The following RIN2 variants were observed in gnomAD, a reference collection of about 807,000 sequenced individuals.
RIN2 encodes the protein Ras and Rab interactor 2.
RIN2 carries 36 observed loss-of-function variants against 78.0 expected under a neutral mutation model. The ratio of observed to expected loss-of-function variants is 0.46; its 90% CI spans 0.35 to 0.61. The LOEUF is 0.61. Ranked by LOEUF, RIN2 falls within the 20% of genes least tolerant of loss-of-function variation. RIN2 has a pLI of 0.00. For synonymous variants in RIN2, 466 were observed against 466.8 expected, an observed-to-expected ratio of 1.00 and a Z score of 0.02; for missense variants, 1,087 against 1,159.7, an observed-to-expected ratio of 0.94 and a Z score of 0.91.
At chr20:19,794,502 A>G (rs2034988336) in intron 1 of RIN2, among the ~76,000 whole-genome samples, 1 of 142,994 alleles carries the variant, frequency 7.0e-6, no homozygotes, top group African/African-American at 2.6e-5. Context: ...ACTGCACTCC[A>G]GCCTAAGCAA....
intron 3 of RIN2, among the ~76,000 whole-genome samples, chr20:19,907,045 C>A (rs2039248482): frequency 6.6e-6 from 1 of 152,160 alleles, no homozygotes; most frequent in Non-Finnish European, 1.5e-5. Context: ...TTGCGGGGGC[C>A]TTCTTGCTGC....
intron 2 of RIN2, among the ~76,000 whole-genome samples, chr20:19,859,596 A>G (rs144148311): frequency 1.3e-5 from 2 of 152,292 alleles, no homozygotes; most frequent in East Asian, 1.9e-4. Flanking sequence ...CTTGACTTCC[A>G]TGAAGATCCC....
intron 2 of RIN2, among the ~76,000 whole-genome samples, chr20:19,821,148 C>T (rs908615785): frequency 2.0e-5 from 3 of 152,186 alleles, no homozygotes; most frequent in Admixed American, 6.5e-5. Context: ...GACTGTGTGT[C>T]TCAGCTCCAT....
intron 6 of RIN2, among the ~76,000 whole-genome samples, chr20:19,961,390 T>C (rs1039206878): frequency 1.3e-5 from 2 of 152,270 alleles, no homozygotes; most frequent in African/African-American, 4.8e-5. Flanking sequence ...CGATTGGTCA[T>C]TGGAAATGTG....
chr20:19,869,831 T>TTGATTGATTG lies in RIN2; in HGVS notation c.-36-19735_-36-19734insTGATTGATTG, dbSNP rs1568558785. ...TTATTTATTTATTTATTTATTTATT[T>TTGATTGATTG]ATTGTAGAGAAGGGGGTTCGCTATG... On this transcript the variant is annotated intron_variant, in intron 2 of 12. Transcript: ENST00000255006. Among the ~76,000 whole-genome samples the TTGATTGATTG allele has an allele frequency of 4.5e-4, 68 of 151,362 alleles. 1 individual carries two copies. Among genetic ancestry groups the TTGATTGATTG allele is most frequent in the African/African-American group, 1.6e-3 (66 of 41,292 alleles).
intron 2 of RIN2, among the ~76,000 whole-genome samples, chr20:19,845,328 G>C (rs2036745653): frequency 6.6e-6 from 1 of 152,132 alleles, no homozygotes; most frequent in African/African-American, 2.4e-5. Context: ...CACGATGGTT[G>C]AACTAATTTA....
intron 9 of RIN2, among the ~76,000 whole-genome samples, chr20:19,980,932 G>A (rs900477261): frequency 6.6e-6 from 1 of 152,170 alleles, no homozygotes; most frequent in African/African-American, 2.4e-5. Flanking sequence ...CCAGGCCCAG[G>A]TGAAGTCACA....
At chr20:19,962,784 C>G (rs2041807159) in intron 6 of RIN2, among the ~76,000 whole-genome samples, 1 of 152,144 alleles carries the variant, frequency 6.6e-6, no homozygotes, top group Admixed American at 6.5e-5. Context: ...TGGTGAAACC[C>G]CGTCTCTACT....
intron 2 of RIN2, among the ~76,000 whole-genome samples, chr20:19,817,462 C>T (rs184953377): frequency 6.6e-6 from 1 of 152,122 alleles, no homozygotes; most frequent in African/African-American, 2.4e-5. Context: ...AAAGGCCCTA[C>T]CTCTTAATAC....
chr20:19,790,287 G>C (rs1044017208), intron 1 of RIN2, among the ~76,000 whole-genome samples: 1 of 151,880 alleles, frequency 6.6e-6, no homozygotes, highest in Non-Finnish European at 1.5e-5. Context: ...GTCTTACAAG[G>C]CTAGCAAGTC....
intron 7 of RIN2, among the ~76,000 whole-genome samples, chr20:19,968,573 A>G (rs2042010469): frequency 6.6e-6 from 1 of 152,194 alleles, no homozygotes; most frequent in Admixed American, 6.5e-5. Flanking sequence ...CTAGTAGATC[A>G]AAGCCTGAAA....
At chr20:19,798,181 G>A (rs971027510) in intron 1 of RIN2, among the ~76,000 whole-genome samples, 3 of 152,216 alleles carry the variant, frequency 2.0e-5, no homozygotes, top group East Asian at 3.9e-4. Flanking sequence ...GCAATGCTTT[G>A]AAATATAATA....
At chr20:19,824,051 A>G (rs1241582847) in intron 2 of RIN2, 4 of 673,256 alleles carry the variant, frequency 5.9e-6, no homozygotes, top group East Asian at 5.4e-5. Flanking sequence ...GCCTGCTTCT[A>G]TGGCCCCCCA....
At chr20:19,778,935 G>A (rs572674317) in intron 1 of RIN2, among the ~76,000 whole-genome samples, 23 of 152,216 alleles carry the variant, frequency 1.5e-4, no homozygotes, top group East Asian at 9.7e-4. Flanking sequence ...AACCAGCGTC[G>A]GAGCATCTGG....
At chr20:19,922,763 C>T (rs560282118) in intron 3 of RIN2, among the ~76,000 whole-genome samples, 58 of 152,312 alleles carry the variant, frequency 3.8e-4, no homozygotes, top group South Asian at 3.7e-3. Context: ...TCCCAGGAAG[C>T]GCCCAAAGAC....
At chr20:19,993,692 G>A (rs1254719935) in intron 11 of RIN2, among the ~76,000 whole-genome samples, 1 of 152,100 alleles carries the variant, frequency 6.6e-6, no homozygotes, top group African/African-American at 2.4e-5. Flanking sequence ...CCTCCCTGGA[G>A]CTTTTCTTGC....
chr20:19,770,572 G>C (rs910453603), intron 1 of RIN2, among the ~76,000 whole-genome samples: 2 of 152,070 alleles, frequency 1.3e-5, no homozygotes, highest in Non-Finnish European at 2.9e-5. Context: ...TTTCCCTGCG[G>C]AGCTGCTTCC....
At chr20:19,880,269 AAT>A (rs1194758992) in intron 2 of RIN2, among the ~76,000 whole-genome samples, 1 of 144,678 alleles carries the variant, frequency 6.9e-6, no homozygotes, top group African/African-American at 2.5e-5. Context: ...AAAAAAAAAA[AAT>A]TTCCAGCATG....
chr20:19,907,168 C>T (rs1333941294), intron 3 of RIN2, among the ~76,000 whole-genome samples: 2 of 152,134 alleles, frequency 1.3e-5, no homozygotes, highest in Non-Finnish European at 2.9e-5. Flanking sequence ...TGAACTCATC[C>T]TTTTATCAGG....
Sources: gnomAD v4.1 joint callset for allele counts (sites outside exome capture counted in the v4.1 genomes callset) on GRCh38, gnomAD v4.1.1 for gene constraint, MANE v1.5 for transcripts, NCBI Gene and HGNC (gene_info 2026-07-23, HGNC 2026-07-21) for gene names.